Variants in FOXJ2 observed in about 807,000 individuals in gnomAD.
FOXJ2 encodes the protein forkhead box protein J2.
In FOXJ2, 18 loss-of-function variants were observed where a neutral mutation model predicts 68.4. The ratio of observed to expected loss-of-function variants is 0.26; its 90% CI spans 0.18 to 0.39. FOXJ2 has a LOEUF of 0.39. FOXJ2 is among the 10% of genes least tolerant of loss of function. FOXJ2 has a pLI of 1.00. For missense variants in FOXJ2, 670 were observed against 726.5 expected (o/e 0.92, Z 0.89); for synonymous variants, 274 against 263.2 (o/e 1.04, Z -0.40).
intron 10 of FOXJ2, 36 bp from the exon 11 acceptor site, chr12:8,052,726 C>T: frequency 6.5e-7 from 1 of 1,547,408 alleles, no homozygotes; most frequent in Non-Finnish European, 8.8e-7. Flanking sequence ...GCTTCCCATC[C>T]ACTCTCCTTT....
At chr12:8,043,635 C>A in intron 3 of FOXJ2, 66 bp from the exon 4 acceptor site, 2 of 1,527,890 alleles carry the variant, frequency 1.3e-6, no homozygotes, top group Admixed American at 1.7e-5. Context: ...TTCATTAATA[C>A]CCAGAACCCT....
chr12:8,055,269 G>A lies in FOXJ2; in HGVS notation c.*2419G>A, dbSNP rs1360733339. 1 of 152,636 alleles carries A rather than the reference G, an allele frequency of 6.6e-6. No homozygotes were observed. The highest frequency in any genetic ancestry group is 1.9e-4 in the East Asian group (1 of 5,196). The allele number at this position is 152,636 out of a possible 1,614,324, so 9.5% of individuals were successfully genotyped here. A position where few individuals can be genotyped will look rare whatever the true frequency, so the allele number is the denominator to read the frequency against. ...CTGCAGAAGCTCACTGCCTATAAGA[G>A]GAAATAAGAGAGAAAGTGGAGGAGA... On this transcript the variant is annotated 3_prime_UTR_variant, in exon 11 of 11. Transcript: ENST00000162391.
At chr12:8,048,943 A>G (rs771426076) in intron 8 of FOXJ2, 145 bp downstream of exon 8, 7 of 638,476 alleles carry the variant, frequency 1.1e-5, no homozygotes, top group Admixed American at 8.5e-5. Flanking sequence ...GATGGATCAT[A>G]TTTACATTAT....
rs114219114 is a variant in FOXJ2 at position 8,040,298 on chromosome 12, A to G, written c.333+133A>G. 6 of 934,780 alleles carry G rather than the reference A, an allele frequency of 6.4e-6. No homozygotes were observed. Among genetic ancestry groups the G allele is most frequent in the South Asian group, 1.7e-5 (1 of 58,434 alleles). The allele number at this position is 934,780 out of a possible 1,614,324, so 57.9% of individuals were successfully genotyped here. On this transcript the variant is annotated intron_variant, in intron 2 of 10. Transcript: ENST00000162391. The surrounding 1 kb of genome is among the most constrained non-coding windows in gnomAD (Gnocchi z 4.0). ...CAGAGATGTGAAAACTTAAAATCTCATATGTTCTGCCCTCTACTTTTTTTT... is the reference window on the plus strand; with the variant it reads ...CAGAGATGTGAAAACTTAAAATCTCGTATGTTCTGCCCTCTACTTTTTTTT...
At chr12:8,050,664 A>C in intron 10 of FOXJ2, 44 bp downstream of exon 10, 1 of 1,608,170 alleles carries the variant, frequency 6.2e-7, no homozygotes, top group Non-Finnish European at 8.5e-7. Context: ...TACTCTGATG[A>C]GTTGCTTTGC....
intron 10 of FOXJ2, among the ~76,000 whole-genome samples, chr12:8,051,753 C>G (rs1466591802): frequency 6.6e-6 from 1 of 152,190 alleles, no homozygotes; most frequent in Non-Finnish European, 1.5e-5. Context: ...CACTGTTATT[C>G]TGCCTAACCA....
rs1395173646 is a variant in FOXJ2, at chr12:8,054,279, A to G, written c.*1429A>G. The G allele has an allele frequency of 1.3e-5, 2 of 152,218 alleles. No individual in the cohort carries two copies. The highest frequency in any genetic ancestry group is 1.9e-4 in the East Asian group (1 of 5,198). 9.4% of individuals were successfully genotyped at this position (152,218 alleles called of 1,614,324 possible). On this transcript the variant is annotated 3_prime_UTR_variant, in exon 11 of 11. Transcript: ENST00000162391. ...GGGGTGGCCATGACTTACTGTTGCA[A>G]AGTACTCAGTGTATATTTAATGTTG... is the stretch of plus-strand genomic sequence containing the variant.
intron 2 of FOXJ2, among the ~76,000 whole-genome samples, chr12:8,042,311 A>G (rs1279054220): frequency 6.6e-6 from 1 of 152,202 alleles, no homozygotes; most frequent in African/African-American, 2.4e-5. Context: ...TTTTGCTATC[A>G]GTAGGGTAGA....
chr12:8,039,640 T>TAGCA (rs1946938728), intron 1 of FOXJ2, among the ~76,000 whole-genome samples, 179 bp from the exon 2 acceptor site: 1 of 152,186 alleles, frequency 6.6e-6, no homozygotes, highest in African/African-American at 2.4e-5. Flanking sequence ...GTAGGGTAAC[T>TAGCA]AGCAGTCCAT....
intron 7 of FOXJ2, 148 bp downstream of exon 7, chr12:8,048,437 T>C: frequency 1.5e-6 from 2 of 1,340,154 alleles, no homozygotes; most frequent in Non-Finnish European, 2.0e-6. Flanking sequence ...ACAAAGTTAC[T>C]ACTTAGAGCT....
intron 1 of FOXJ2, among the ~76,000 whole-genome samples, chr12:8,036,691 C>T (rs1453892229): frequency 6.6e-6 from 1 of 152,206 alleles, no homozygotes; most frequent in Non-Finnish European, 1.5e-5. Context: ...GAATGTGTGG[C>T]AGCCACCAGC....
In FOXJ2 at chr12:8,043,995, G is replaced by A; in HGVS notation, c.522G>A (p.Arg174=). 6 of 1,581,538 alleles carry A rather than the reference G, an allele frequency of 3.8e-6. No homozygotes were observed. Among genetic ancestry groups the A allele is most frequent in the Non-Finnish European group, 5.1e-6 (6 of 1,166,008 alleles). ...SPEQEASKSP[R]GGVAGSGEAS... is the part of the protein sequence containing the mutation. ...AACAGGAGGCAAGCAAGAGCCCACG[G>A]GGAGGCGTTGCAGGGAGTGGAGAAG... The change falls in exon 5 of 11, where the codon CGG becomes CGA. Residue 174 remains arginine (R), a synonymous_variant. Transcript: ENST00000162391.
chr12:8,042,981 C>T (rs55680021), intron 3 of FOXJ2, among the ~76,000 whole-genome samples: 43,110 of 151,500 alleles, frequency 0.28, 7,380 homozygotes, highest in Non-Finnish European at 0.39. Flanking sequence ...TTTAGGTGGC[C>T]GAGGCGGGCG....
intron 8 of FOXJ2, 36 bp from the exon 9 acceptor site, chr12:8,049,326 C>A: frequency 6.4e-7 from 1 of 1,569,636 alleles, no homozygotes; most frequent in South Asian, 1.2e-5. Flanking sequence ...CTTCCTACCT[C>A]TGCAAGGTTT....
chr12:8,052,666 T>C (rs759707108), intron 10 of FOXJ2, 96 bp from the exon 11 acceptor site: 3 of 1,053,856 alleles, frequency 2.8e-6, no homozygotes, highest in Non-Finnish European at 4.2e-6. Flanking sequence ...CAAGGCCTTC[T>C]TCGTGGTGTT....
intron 10 of FOXJ2, among the ~76,000 whole-genome samples, chr12:8,050,855 T>TCCCTTC (rs1565631420): frequency 3.7e-4 from 22 of 59,074 alleles, no homozygotes; most frequent in African/African-American, 8.1e-4. Flanking sequence ...CCCTTCCCCT[T>TCCCTTC]CCCTTCCCTT....
Position 8,038,312 on chromosome 12 carries a change from G to A in FOXJ2, c.-14-1507G>A, listed in dbSNP as rs946627621. ...TAGAAGAGGGAGCTGAGACCCTGAA[G>A]GATGTGTTGGAGTCAGGAGAGAGGG... is the stretch of plus-strand genomic sequence containing the variant. On this transcript the variant is annotated intron_variant, in intron 1 of 10. Transcript: ENST00000162391. The surrounding 1 kb of genome is among the most constrained non-coding windows in gnomAD (Gnocchi z 5.3). Among the ~76,000 whole-genome samples the A allele has an allele frequency of 1.3e-5, 2 of 152,178 alleles. No individual in the cohort carries two copies. The highest frequency in any genetic ancestry group is 4.8e-5 in the African/African-American group (2 of 41,446).
chr12:8,039,456 C>T (rs1946937383), intron 1 of FOXJ2, among the ~76,000 whole-genome samples: 1 of 152,086 alleles, frequency 6.6e-6, no homozygotes, highest in Non-Finnish European at 1.5e-5. Context: ...TTTAATTTTA[C>T]CTGCTATCTA....
Position 8,040,253 on chromosome 12 carries a change from C to G in FOXJ2, c.333+88C>G. ...GTTTTGTTTCTTCTTGTAACCTGTT[C>G]AGTTTACTCTGGTTTGTCTCAGAGA... On this transcript the variant is annotated intron_variant, in intron 2 of 10. Transcript: ENST00000162391. This position sits in a 1 kb window ranked among gnomAD's most constrained non-coding sequence, Gnocchi z 4.0. 1 of 1,326,480 alleles carries G rather than the reference C, an allele frequency of 7.5e-7. No individual in the cohort carries two copies. Among genetic ancestry groups the G allele is most frequent in the South Asian group, 1.4e-5 (1 of 73,262 alleles). The allele number at this position is 1,326,480 out of a possible 1,614,324, so 82.2% of individuals were successfully genotyped here.
Sources: gnomAD v4.1 joint callset for allele counts (sites outside exome capture counted in the v4.1 genomes callset) on GRCh38, gnomAD v4.1.1 for gene constraint, Gnocchi (gnomAD v3.1) non-coding constraint, MANE v1.5 for transcripts, NCBI Gene and HGNC (gene_info 2026-07-23, HGNC 2026-07-21) for gene names.